ANTXR1: variants seen among roughly 807,000 people sequenced by gnomAD.
ANTXR1 encodes the protein anthrax toxin receptor 1.
A neutral mutation model predicts 78.1 loss-of-function variants in ANTXR1; 19 were observed. That is an observed-to-expected ratio of 0.24 (90% CI 0.17 to 0.36). ANTXR1 has a LOEUF of 0.36. ANTXR1 is among the 10% of genes least tolerant of loss of function. ANTXR1 has a pLI of 1.00. For missense variants in ANTXR1, 518 were observed against 718.6 expected (o/e 0.72, Z 3.19); for synonymous variants, 273 against 260.5 (o/e 1.05, Z -0.46).
At chr2:69,066,782 G>T (rs557420958) in intron 3 of ANTXR1, among the ~76,000 whole-genome samples, 1 of 152,324 alleles carries the variant, frequency 6.6e-6, no homozygotes, top group East Asian at 1.9e-4. Context: ...TGTAGTGGGA[G>T]TTGCAAAAGG....
At chr2:69,124,455 T>A in intron 11 of ANTXR1, 110 bp from the exon 12 acceptor site, 1 of 946,470 alleles carries the variant, frequency 1.1e-6, no homozygotes, top group Admixed American at 1.7e-5. Flanking sequence ...GAGACTCCAG[T>A]CTCAAGGGTA....
At chr2:69,160,530 G>A (rs1673653252) in intron 13 of ANTXR1, among the ~76,000 whole-genome samples, 1 of 152,056 alleles carries the variant, frequency 6.6e-6, no homozygotes, top group Non-Finnish European at 1.5e-5. Flanking sequence ...CCTGGTCTGT[G>A]GTTTTCAAAC....
chr2:69,170,026 A>T (rs140832770), intron 13 of ANTXR1, among the ~76,000 whole-genome samples: 40 of 152,382 alleles, frequency 2.6e-4, no homozygotes, highest in African/African-American at 9.1e-4. Flanking sequence ...AAACCAGAAG[A>T]GACGCAAATG....
intron 17 of ANTXR1, among the ~76,000 whole-genome samples, chr2:69,243,222 C>T (rs1399695852): frequency 6.6e-6 from 1 of 152,176 alleles, no homozygotes; most frequent in African/African-American, 2.4e-5. Flanking sequence ...CCTACTTTTC[C>T]TGAGTGGCTC....
intron 1 of ANTXR1, among the ~76,000 whole-genome samples, chr2:69,016,315 G>A (rs1276888581): frequency 1.3e-5 from 2 of 152,140 alleles, no homozygotes; most frequent in African/African-American, 4.8e-5. Context: ...CAGACAAGAA[G>A]ATAATTTGGC....
intron 14 of ANTXR1, among the ~76,000 whole-genome samples, chr2:69,171,238 T>C (rs1673975699): frequency 6.6e-6 from 1 of 152,256 alleles, no homozygotes. Flanking sequence ...GTGGCTCTTA[T>C]ATCCTGAACC....
At chr2:69,189,300 G>A (rs566415473) in intron 16 of ANTXR1, among the ~76,000 whole-genome samples, 1 of 152,274 alleles carries the variant, frequency 6.6e-6, no homozygotes, top group Admixed American at 6.5e-5. Context: ...GTCGGGCAGC[G>A]CTTTCTATGC....
In ANTXR1 at chr2:69,013,740, G is replaced by C. The variant is rs116312139; in HGVS notation, c.152+89G>C. Reference sequence around the variant, plus strand: ...CCGGGCTCGTTGGCAGGGTCGCCTGGGGACAGGAGCGCATCTCCAGGGCCA... The same window carrying C: ...CCGGGCTCGTTGGCAGGGTCGCCTGCGGACAGGAGCGCATCTCCAGGGCCA... On this transcript the variant is annotated intron_variant, in intron 1 of 17. Transcript: ENST00000303714. This position sits in a 1 kb window ranked among gnomAD's most constrained non-coding sequence, Gnocchi z 5.0. The C allele has an allele frequency of 0.046, 70,651 of 1,546,888 alleles. 1,890 individuals carry two copies. Among genetic ancestry groups the C allele is most frequent in the Admixed American group, 0.064 (3,284 of 50,984 alleles).
Position 69,069,817 on chromosome 2 carries a change from C to T in ANTXR1, c.297-830C>T, listed in dbSNP as rs1423288369. ...TCTCTTCCCAATTTAAATAGAGCAT[C>T]TCCACCCTGTACCACTAAAAAGACC... On this transcript the variant is annotated intron_variant, in intron 3 of 17. Coordinates refer to ENST00000303714, the MANE Select transcript of ANTXR1 (RefSeq NM_032208.3). Among the ~76,000 whole-genome samples, 3 of 152,132 alleles carry T rather than the reference C, an allele frequency of 2.0e-5. No individual in the cohort carries two copies. In the East Asian group the frequency reaches 5.8e-4, roughly 29 times the overall value.
chr2:69,082,985 G>A (rs932473412), intron 8 of ANTXR1, among the ~76,000 whole-genome samples: 3 of 152,170 alleles, frequency 2.0e-5, no homozygotes, highest in Admixed American at 6.5e-5. Flanking sequence ...TGTTATCAGG[G>A]AAACTGTGAG....
At chr2:69,131,901 T>C (rs1370548584) in intron 12 of ANTXR1, among the ~76,000 whole-genome samples, 5 of 152,132 alleles carry the variant, frequency 3.3e-5, no homozygotes, top group African/African-American at 1.2e-4. Context: ...TAACCAGCGT[T>C]CCCAGGAAGG....
intron 17 of ANTXR1, among the ~76,000 whole-genome samples, chr2:69,225,487 T>G (rs2104515219): frequency 6.6e-6 from 1 of 152,302 alleles, no homozygotes; most frequent in East Asian, 1.9e-4. Context: ...ATTTATTTTT[T>G]ATTTTATTAA....
At chr2:69,162,427 T>C (rs547437168) in intron 13 of ANTXR1, among the ~76,000 whole-genome samples, 6 of 152,212 alleles carry the variant, frequency 3.9e-5, no homozygotes, top group Non-Finnish European at 7.3e-5. Context: ...GAGTTCAAAC[T>C]TACACTACTT....
At chr2:69,090,657 T>C (rs1671202033) in intron 8 of ANTXR1, 1 of 618,264 alleles carries the variant, frequency 1.6e-6, no homozygotes. Flanking sequence ...GCTTTTAGGA[T>C]ACCCAACAGC....
At chr2:69,195,013 C>A (rs1285305391) in intron 17 of ANTXR1, among the ~76,000 whole-genome samples, 1 of 151,762 alleles carries the variant, frequency 6.6e-6, no homozygotes, top group East Asian at 1.9e-4. Flanking sequence ...ACTAAAAATA[C>A]AAAAATTAGC....
intron 3 of ANTXR1, among the ~76,000 whole-genome samples, chr2:69,060,764 G>A (rs1029389258): frequency 2.0e-5 from 3 of 152,184 alleles, no homozygotes; most frequent in Admixed American, 6.5e-5. Context: ...AGGCAGAGTT[G>A]TGGAGACAAA....
intron 1 of ANTXR1, among the ~76,000 whole-genome samples, chr2:69,019,264 T>G (rs146849037): frequency 2.6e-4 from 39 of 152,354 alleles, no homozygotes; most frequent in African/African-American, 8.7e-4. Flanking sequence ...TTTTGGATTT[T>G]AATTCGTATA....
At chr2:69,193,461 A>C (rs76087957) in intron 17 of ANTXR1, 46 bp downstream of exon 17, 5 of 999,036 alleles carry the variant, frequency 5.0e-6, no homozygotes, top group Non-Finnish European at 7.2e-6. Context: ...TCTCTCTCTC[A>C]CATACACACA....
chr2:69,227,095 A>G (rs1427597024), intron 17 of ANTXR1, among the ~76,000 whole-genome samples: 3 of 152,144 alleles, frequency 2.0e-5, no homozygotes, highest in Non-Finnish European at 2.9e-5. Flanking sequence ...GGCCCAGTGG[A>G]AGCCTGAAAA....
Sources: gnomAD v4.1 joint callset for allele counts (sites outside exome capture counted in the v4.1 genomes callset) on GRCh38, gnomAD v4.1.1 for gene constraint, Gnocchi (gnomAD v3.1) non-coding constraint, MANE v1.5 for transcripts, NCBI Gene and HGNC (gene_info 2026-07-23, HGNC 2026-07-21) for gene names.